The following ZNF740 variants were observed in gnomAD, a reference collection of about 807,000 sequenced individuals.
ZNF740 encodes oriLyt TD-element-binding protein 7.
ZNF740 carries 14 observed loss-of-function variants against 24.8 expected under a neutral mutation model. That is an observed-to-expected ratio of 0.56 (90% confidence interval 0.37 to 0.88). The LOEUF is 0.88. ZNF740 is among the 40% of genes least tolerant of loss of function. The pLI is 0.00. For missense variants in ZNF740, 201 were observed against 247.9 expected (o/e 0.81, Z 1.27); for synonymous variants, 69 against 84.0 (o/e 0.82, Z 0.98).
At position 53,193,503 on chromosome 12, in the gene ZNF740, A is replaced by G; in HGVS notation, c.*5913A>G. ...GCTGAAAGGATGTTAAGTATAGTGA[A>G]ACACTGAGGGGTGAGAGAGTGGAGG... On this transcript the variant is annotated 3_prime_UTR_variant, in exon 7 of 7. Coordinates refer to ENST00000416904, the MANE Select transcript of ZNF740 (RefSeq NM_001004304.4). 1 of 757,520 alleles carries G rather than the reference A, an allele frequency of 1.3e-6. No homozygotes were observed. The highest frequency in any genetic ancestry group is 2.1e-6 in the Non-Finnish European group (1 of 473,210). The allele number at this position is 757,520 out of a possible 1,614,324, so 46.9% of individuals were successfully genotyped here. A position where few individuals can be genotyped will look rare whatever the true frequency, so the allele number is the denominator to read the frequency against.
At position 53,192,823 on chromosome 12, in the gene ZNF740, C is replaced by G. The variant is rs1017309968; in HGVS notation, c.*5233C>G. On this transcript the variant is annotated 3_prime_UTR_variant, in exon 7 of 7. Transcript: ENST00000416904. Reference sequence around the variant, plus strand: ...GCAGAGCCCTCCCTCGGGACTGATGCAACTGTCCATGTCCCCACTGCATTC... The same window carrying G: ...GCAGAGCCCTCCCTCGGGACTGATGGAACTGTCCATGTCCCCACTGCATTC... The G allele has an allele frequency of 2.5e-6, 4 of 1,614,234 alleles. No individual in the cohort carries two copies. The highest frequency in any genetic ancestry group is 2.5e-6 in the Non-Finnish European group (3 of 1,180,050).
chr12:53,185,495 C>G lies in ZNF740; in HGVS notation c.249+19C>G. 1 of 1,609,060 alleles carries G rather than the reference C, an allele frequency of 6.2e-7. No individual in the cohort carries two copies. On this transcript the variant is annotated intron_variant, in intron 4 of 6. Transcript: ENST00000416904. ...TAAAAAGGCAGGTAATGGGGTGATC[C>G]CCCAAACTCATACAGTTTGGTAATG...
rs59250662 is a variant in ZNF740, at chr12:53,184,150, T to TGTGTGTGTGCGC, written c.10-740_10-739insTGTGTGTGCGCG. Reference sequence around the variant, plus strand: ...GTGTGTGTGTGTGTGTGTGTGTGTGTGCGCGCGCGCGCTCTGAAGCTAAGG... The same window carrying TGTGTGTGTGCGC: ...GTGTGTGTGTGTGTGTGTGTGTGTGTGTGTGTGTGCGCGCGCGCGCGCGCTCTGAAGCTAAGG... On this transcript the variant is annotated intron_variant, in intron 2 of 6. Transcript: ENST00000416904. Among the ~76,000 whole-genome samples, 113 of 104,420 alleles carry TGTGTGTGTGCGC rather than the reference T, an allele frequency of 1.1e-3. 2 individuals are homozygous for TGTGTGTGTGCGC. The highest frequency in any genetic ancestry group is 5.1e-3 in the South Asian group (17 of 3,328). The allele number at this position is 104,420 out of a possible 152,430, so 68.5% of individuals were successfully genotyped here.
chr12:53,192,102 C>A lies in ZNF740; in HGVS notation c.*4512C>A, dbSNP rs540989020. 1 of 1,491,042 alleles carries A rather than the reference C, an allele frequency of 6.7e-7. No individual in the cohort carries two copies. The highest frequency in any genetic ancestry group is 2.1e-5 in the Admixed American group (1 of 48,554). The allele number at this position is 1,491,042 out of a possible 1,614,324, so 92.4% of individuals were successfully genotyped here. A position where few individuals can be genotyped will look rare whatever the true frequency, so the allele number is the denominator to read the frequency against. ...GTTGCTCACAGTGTGTCCAGCCTGT[C>A]CAACCCTGTCTGTCACTGAAAGCAA... On this transcript the variant is annotated 3_prime_UTR_variant, in exon 7 of 7. Coordinates refer to ENST00000416904, the MANE Select transcript of ZNF740 (RefSeq NM_001004304.4).
rs559669196 is a variant in ZNF740, at chr12:53,186,491, G to A, written c.474G>A (p.Gln158=). Residue 158 remains glutamine (Q), a synonymous_variant, in exon 6 of 7, where the codon CAG becomes CAA. Coordinates refer to ENST00000416904, the MANE Select transcript of ZNF740 (RefSeq NM_001004304.4). ...KRVHSGEKPY[Q]CERCHQCFSR... is the part of the protein sequence containing the mutation. ...TGCACAGTGGTGAAAAGCCTTACCA[G>A]TGTGAACGGTGTCATCAGGTAAGGC... is the stretch of plus-strand genomic sequence containing the variant. 1.9e-6 allele frequency: 3 copies of A among 1,573,650 alleles called. No individual in the cohort carries two copies. The South Asian group carries it at 3.5e-5, about 18-fold the overall frequency.
intron 3 of ZNF740, 90 bp downstream of exon 3, chr12:53,185,130 C>G: frequency 6.3e-7 from 1 of 1,575,352 alleles, no homozygotes. Context: ...CTTGATGCTT[C>G]CTCATAGGGA....
Position 53,193,785 on chromosome 12 carries a change from G to A in ZNF740, c.*6195G>A, listed in dbSNP as rs1162655132. 6.2e-7 allele frequency: 1 copy of A among 1,614,106 alleles called. No individual in the cohort carries two copies. The highest frequency in any genetic ancestry group is 1.1e-5 in the South Asian group (1 of 91,082). On this transcript the variant is annotated 3_prime_UTR_variant, in exon 7 of 7. Coordinates refer to ENST00000416904, the MANE Select transcript of ZNF740 (RefSeq NM_001004304.4). ...GGGGCTGGGTGTCACTGCAATTACA[G>A]TCACACAGCGTGTGCAACTCCACAA...
Position 53,191,483 on chromosome 12 carries a change from C to T in ZNF740, c.*3893C>T. ...GTCCCCTACCAAGGTCTTACAGACC[C>T]ACCCTTCCTCTCACCCTCCAGTTCC... On this transcript the variant is annotated 3_prime_UTR_variant, in exon 7 of 7. Coordinates refer to ENST00000416904, the MANE Select transcript of ZNF740 (RefSeq NM_001004304.4). 8.2e-7 allele frequency: 1 copy of T among 1,219,936 alleles called. No individual in the cohort carries two copies. Among genetic ancestry groups the T allele is most frequent in the Non-Finnish European group, 1.2e-6 (1 of 821,142 alleles). 75.6% of individuals were successfully genotyped at this position (1,219,936 alleles called of 1,614,324 possible).
intron 4 of ZNF740, 22 bp downstream of exon 4, chr12:53,185,498 C>A: frequency 6.2e-7 from 1 of 1,604,964 alleles, no homozygotes; most frequent in African/African-American, 1.3e-5. Context: ...GGTGATCCCC[C>A]AAACTCATAC....
In ZNF740 at chr12:53,194,110, G is replaced by A. The variant is rs1440554463; in HGVS notation, c.*6520G>A. 4.5e-6 allele frequency: 7 copies of A among 1,568,098 alleles called. No homozygotes were observed. The highest frequency in any genetic ancestry group is 5.2e-6 in the Non-Finnish European group (6 of 1,145,510). ...ACCTCAGGCTCTCATGTCACTCCCT[G>A]TACCTGCCACCCATCTTTTCCTGCC... On this transcript the variant is annotated 3_prime_UTR_variant, in exon 7 of 7. Coordinates refer to ENST00000416904, the MANE Select transcript of ZNF740 (RefSeq NM_001004304.4).
At chr12:53,186,630 A>G in intron 6 of ZNF740, 121 bp downstream of exon 6, 3 of 717,054 alleles carry the variant, frequency 4.2e-6, no homozygotes, top group Non-Finnish European at 7.0e-6. Context: ...TAGTTAACAC[A>G]TCGGGGTGAA....
At position 53,194,530 on chromosome 12, in the gene ZNF740, C is replaced by T; in HGVS notation, c.*6940C>T. The stretch of plus-strand genomic sequence containing the variant: ...CCGTGAGAACCTTGCATAGAACATA[C>T]AGGATCCAGAGGCCTCTAATACAGC... On this transcript the variant is annotated 3_prime_UTR_variant, in exon 7 of 7. Coordinates refer to ENST00000416904, the MANE Select transcript of ZNF740 (RefSeq NM_001004304.4). 1.7e-6 allele frequency: 1 copy of T among 581,790 alleles called. No individual in the cohort carries two copies. The highest frequency in any genetic ancestry group is 3.0e-6 in the Non-Finnish European group (1 of 328,116). 36.0% of individuals were successfully genotyped at this position (581,790 alleles called of 1,614,324 possible). A position where few individuals can be genotyped will look rare whatever the true frequency, so the allele number is the denominator to read the frequency against.
In ZNF740 at chr12:53,192,075, C is replaced by T. The variant is rs11170466; in HGVS notation, c.*4485C>T. On this transcript the variant is annotated 3_prime_UTR_variant, in exon 7 of 7. Coordinates refer to ENST00000416904, the MANE Select transcript of ZNF740 (RefSeq NM_001004304.4). Reference sequence around the variant, plus strand: ...GAGCTGGAGCATAGGGACAGATCATCAGTTGCTCACAGTGTGTCCAGCCTG... The same window carrying T: ...GAGCTGGAGCATAGGGACAGATCATTAGTTGCTCACAGTGTGTCCAGCCTG... 0.058 allele frequency: 90,727 copies of T among 1,566,724 alleles called. 3,223 individuals are homozygous for T. Among genetic ancestry groups the T allele is most frequent in the East Asian group, 0.17 (7,599 of 44,088 alleles).
chr12:53,190,663 C>T lies in ZNF740; in HGVS notation c.*3073C>T, dbSNP rs1249609170. On this transcript the variant is annotated 3_prime_UTR_variant, in exon 7 of 7. Transcript: ENST00000416904. The stretch of plus-strand genomic sequence containing the variant: ...TCAACTGTCCCCTTCCTATCCTCCT[C>T]TCCACCCTGTTTTTTGTTTTTTTTT... The T allele has an allele frequency of 6.6e-6, 1 of 151,854 alleles. No homozygotes were observed. The highest frequency in any genetic ancestry group is 2.4e-5 in the African/African-American group (1 of 41,260). The allele number at this position is 151,854 out of a possible 1,614,324, so 9.4% of individuals were successfully genotyped here. A position where few individuals can be genotyped will look rare whatever the true frequency, so the allele number is the denominator to read the frequency against.
Position 53,191,935 on chromosome 12 carries a change from C to T in ZNF740, c.*4345C>T, listed in dbSNP as rs776572791. ...GCGGTCATAGATTTCCACCGAGAGC[C>T]GGTAAGCCAGGACCAGCCCCAGCCC... On this transcript the variant is annotated 3_prime_UTR_variant, in exon 7 of 7. Coordinates refer to ENST00000416904, the MANE Select transcript of ZNF740 (RefSeq NM_001004304.4). 2.6e-5 allele frequency: 42 copies of T among 1,611,094 alleles called. No individual in the cohort carries two copies. The highest frequency in any genetic ancestry group is 3.3e-5 in the Non-Finnish European group (39 of 1,180,014).
In ZNF740 at chr12:53,187,694, C is replaced by A; in HGVS notation, c.*104C>A. Reference sequence around the variant, plus strand: ...CACCGCCCCATGTGAACCTGTCCCACTCCTGGAGGAGTGGACCCAGGAGAC... The same window carrying A: ...CACCGCCCCATGTGAACCTGTCCCAATCCTGGAGGAGTGGACCCAGGAGAC... On this transcript the variant is annotated 3_prime_UTR_variant, in exon 7 of 7. Coordinates refer to ENST00000416904, the MANE Select transcript of ZNF740 (RefSeq NM_001004304.4). The A allele has an allele frequency of 1.1e-6, 1 of 916,148 alleles. No homozygotes were observed. The allele number at this position is 916,148 out of a possible 1,614,324, so 56.8% of individuals were successfully genotyped here.
chr12:53,181,268 G>C, intron 1 of ZNF740: 1 of 985,436 alleles, frequency 1.0e-6, no homozygotes, highest in Admixed American at 6.1e-5. Flanking sequence ...GGCACTGCCA[G>C]TCCCGTTTCT....
chr12:53,187,236 T>C (rs1438932429), intron 6 of ZNF740, among the ~76,000 whole-genome samples: 2 of 152,218 alleles, frequency 1.3e-5, no homozygotes, highest in Admixed American at 1.3e-4. Flanking sequence ...TTAGCCTCGC[T>C]TTGCAGTTTT....
chr12:53,194,559 T>G lies in ZNF740; in HGVS notation c.*6969T>G. 2.0e-6 allele frequency: 1 copy of G among 502,898 alleles called. No individual in the cohort carries two copies. The highest frequency in any genetic ancestry group is 3.6e-6 in the Non-Finnish European group (1 of 276,706). 31.2% of individuals were successfully genotyped at this position (502,898 alleles called of 1,614,324 possible). On this transcript the variant is annotated 3_prime_UTR_variant, in exon 7 of 7. Transcript: ENST00000416904. ...ATCCAGAGGCCTCTAATACAGCATT[T>G]CAGTGCAGCTGCCAGCAAGGGCCAC... is the stretch of plus-strand genomic sequence containing the variant.
Sources: allele counts gnomAD v4.1 joint callset (sites outside exome capture counted in the v4.1 genomes callset), GRCh38; gene constraint gnomAD v4.1.1; transcripts MANE v1.5; gene names NCBI Gene and HGNC (gene_info 2026-07-23, HGNC 2026-07-21).